The following LRCH1 variants were observed in gnomAD, a reference collection of about 807,000 sequenced individuals.
LRCH1 encodes leucine rich repeats and calponin homology domain containing 1.
In LRCH1, 23 loss-of-function variants were observed where a neutral mutation model predicts 94.9. That is an observed-to-expected ratio of 0.24 (90% CI 0.17 to 0.34). The LOEUF (loss-of-function observed/expected upper bound fraction) is 0.34. Among genes scored for constraint, LRCH1 ranks in the 10% least tolerant of loss-of-function variants. The pLI is 1.00. For synonymous variants in LRCH1, 364 were observed against 354.9 expected (o/e 1.03, Z -0.29); for missense variants, 790 against 945.9 (o/e 0.84, Z 2.16).
chr13:46,616,932 A>G (rs1370715811), intron 1 of LRCH1, among the ~76,000 whole-genome samples: 1 of 152,220 alleles, frequency 6.6e-6, no homozygotes, highest in Non-Finnish European at 1.5e-5. Flanking sequence ...GAGAATTACA[A>G]AGAACCTTCT....
intron 15 of LRCH1, among the ~76,000 whole-genome samples, chr13:46,715,344 TG>T (rs1295463776): frequency 1.3e-5 from 2 of 152,224 alleles, no homozygotes; most frequent in Admixed American, 1.3e-4. Flanking sequence ...GTATGATTGA[TG>T]GGTACTAACA....
chr13:46,563,443 T>C (rs967261616), intron 1 of LRCH1, among the ~76,000 whole-genome samples: 1 of 152,186 alleles, frequency 6.6e-6, no homozygotes, highest in South Asian at 2.1e-4. Context: ...TTATAAACTA[T>C]GTCACTTTGG....
chr13:46,574,105 C>T (rs763306387), intron 1 of LRCH1, among the ~76,000 whole-genome samples: 4 of 151,288 alleles, frequency 2.6e-5, no homozygotes, highest in Admixed American at 2.0e-4. Flanking sequence ...CCTGCCTCGG[C>T]CTCCCAAAGT....
intron 19 of LRCH1, among the ~76,000 whole-genome samples, chr13:46,735,845 G>A (rs1473320121): frequency 1.4e-5 from 2 of 144,152 alleles, no homozygotes; most frequent in Non-Finnish European, 3.0e-5. Flanking sequence ...TGGCCAGACT[G>A]GAGTGCAGTG....
At chr13:46,735,971 A>G (rs1873359917) in intron 19 of LRCH1, among the ~76,000 whole-genome samples, 2 of 151,410 alleles carry the variant, frequency 1.3e-5, no homozygotes, top group East Asian at 3.9e-4. Flanking sequence ...TAAGTTTTGT[A>G]TTTTTAGTAG....
At chr13:46,685,833 A>G (rs899302734) in intron 4 of LRCH1, 72 bp from the exon 5 acceptor site, 3 of 1,104,534 alleles carry the variant, frequency 2.7e-6, no homozygotes, top group African/African-American at 1.6e-5. Context: ...TTAATTTTTG[A>G]ATGATTAGCC....
intron 2 of LRCH1, among the ~76,000 whole-genome samples, chr13:46,661,723 A>G (rs1358239544): frequency 6.6e-6 from 1 of 152,216 alleles, no homozygotes; most frequent in Non-Finnish European, 1.5e-5. Context: ...TCCACATTCA[A>G]ACATTTCTAG....
rs377629156 is a variant in LRCH1 at position 46,691,297 on chromosome 13, G to A, written c.1015-1239G>A. On this transcript the variant is annotated intron_variant, in intron 7 of 19. Coordinates refer to ENST00000389797, the MANE Select transcript of LRCH1 (RefSeq NM_001164211.2). ...GAATAAACGTCATCAGCTACTGTGGGAAAGGAAGCCCTCAGAGAGAACTAA... is the reference window on the plus strand; with the variant it reads ...GAATAAACGTCATCAGCTACTGTGGAAAAGGAAGCCCTCAGAGAGAACTAA... 8.6e-4 allele frequency among the ~76,000 whole-genome samples: 131 copies of A among 152,342 alleles called. 2 individuals are homozygous for A. In the South Asian group the frequency reaches 0.025, roughly 30 times the overall value.
intron 3 of LRCH1, among the ~76,000 whole-genome samples, chr13:46,678,511 A>G (rs573514898): frequency 6.6e-6 from 1 of 152,328 alleles, no homozygotes; most frequent in East Asian, 1.9e-4. Context: ...AATTGACAAC[A>G]GTGCAGAGTA....
At chr13:46,698,281 C>T (rs1178067796) in intron 9 of LRCH1, among the ~76,000 whole-genome samples, 1 of 152,196 alleles carries the variant, frequency 6.6e-6, no homozygotes, top group African/African-American at 2.4e-5. Context: ...GTGTTCTCTC[C>T]TAGCTAGGGA....
At chr13:46,692,237 G>C (rs1393678857) in intron 7 of LRCH1, among the ~76,000 whole-genome samples, 1 of 152,168 alleles carries the variant, frequency 6.6e-6, no homozygotes, top group Non-Finnish European at 1.5e-5. Context: ...TTAGCTCCAT[G>C]AATTTTCACA....
At chr13:46,572,925 G>A (rs1264435871) in intron 1 of LRCH1, among the ~76,000 whole-genome samples, 3 of 152,048 alleles carry the variant, frequency 2.0e-5, no homozygotes, top group Non-Finnish European at 4.4e-5. Context: ...CTGGGTGAGC[G>A]ACTCCTCCAT....
chr13:46,617,459 T>C (rs2050823732), intron 1 of LRCH1, among the ~76,000 whole-genome samples: 1 of 152,324 alleles, frequency 6.6e-6, no homozygotes, highest in East Asian at 1.9e-4. Context: ...CCTGAGTATC[T>C]GAAGCAGGAG....
At chr13:46,722,221 T>C (rs905151649) in intron 16 of LRCH1, among the ~76,000 whole-genome samples, 6 of 152,204 alleles carry the variant, frequency 3.9e-5, no homozygotes, top group African/African-American at 1.4e-4. Context: ...GTGGTATGGA[T>C]TTCTAACATT....
At chr13:46,646,200 A>C (rs745705416) in intron 1 of LRCH1, among the ~76,000 whole-genome samples, 1 of 152,248 alleles carries the variant, frequency 6.6e-6, no homozygotes, top group Non-Finnish European at 1.5e-5. Flanking sequence ...TTGCTTCTTA[A>C]TTCTTTTTAA....
chr13:46,583,887 A>G lies in LRCH1; in HGVS notation c.307+30184A>G, dbSNP rs1472150645. 2.6e-5 allele frequency among the ~76,000 whole-genome samples: 4 copies of G among 151,982 alleles called. No individual in the cohort carries two copies. In the South Asian group the frequency reaches 8.3e-4, roughly 32 times the overall value. On this transcript the variant is annotated intron_variant, in intron 1 of 19. Coordinates refer to ENST00000389797, the MANE Select transcript of LRCH1 (RefSeq NM_001164211.2). Reference sequence around the variant, plus strand: ...GCAATTCTCCTGCCTCAGCCTCCCAAGTAGCTGGGATTACAGGCGTGAGCC... The same window carrying G: ...GCAATTCTCCTGCCTCAGCCTCCCAGGTAGCTGGGATTACAGGCGTGAGCC...
rs762359947 is a variant in LRCH1, at chr13:46,743,204, C to A, written c.*1356C>A. The A allele has an allele frequency of 5.1e-6, 5 of 985,772 alleles. No individual in the cohort carries two copies. Among genetic ancestry groups the A allele is most frequent in the Non-Finnish European group, 6.0e-6 (5 of 829,884 alleles). The allele number at this position is 985,772 out of a possible 1,614,324, so 61.1% of individuals were successfully genotyped here. A position where few individuals can be genotyped will look rare whatever the true frequency, so the allele number is the denominator to read the frequency against. Reference sequence around the variant, plus strand: ...AGATGCAAACAGCTCTCATAGATGGCTACTACGAAGAAAATCTTATTTTTC... The same window carrying A: ...AGATGCAAACAGCTCTCATAGATGGATACTACGAAGAAAATCTTATTTTTC... On this transcript the variant is annotated 3_prime_UTR_variant, in exon 20 of 20. Coordinates refer to ENST00000389797, the MANE Select transcript of LRCH1 (RefSeq NM_001164211.2).
rs975012808 is a variant in LRCH1 at position 46,742,971 on chromosome 13, T to C, written c.*1123T>C. Reference sequence around the variant, plus strand: ...GTAACTATATCTGCATTTGGAGCAATGTGATCAGTTTGCATTTAAAAGGAA... The same window carrying C: ...GTAACTATATCTGCATTTGGAGCAACGTGATCAGTTTGCATTTAAAAGGAA... On this transcript the variant is annotated 3_prime_UTR_variant, in exon 20 of 20. Coordinates refer to ENST00000389797, the MANE Select transcript of LRCH1 (RefSeq NM_001164211.2). 2.9e-5 allele frequency: 29 copies of C among 985,296 alleles called. No individual in the cohort carries two copies. In the Admixed American group the frequency reaches 6.8e-4, roughly 23 times the overall value. 61.0% of individuals were successfully genotyped at this position (985,296 alleles called of 1,614,324 possible). A position where few individuals can be genotyped will look rare whatever the true frequency, so the allele number is the denominator to read the frequency against.
At chr13:46,663,603 A>G (rs148552294) in intron 2 of LRCH1, among the ~76,000 whole-genome samples, 19 of 152,394 alleles carry the variant, frequency 1.2e-4, no homozygotes, top group African/African-American at 4.6e-4. Context: ...GATGAGAAGC[A>G]AACAGGGTAT....
Sources: gnomAD v4.1 joint callset for allele counts (sites outside exome capture counted in the v4.1 genomes callset) on GRCh38, gnomAD v4.1.1 for gene constraint, MANE v1.5 for transcripts, NCBI Gene and HGNC (gene_info 2026-07-23, HGNC 2026-07-21) for gene names.